KSR1: variants seen among roughly 807,000 people sequenced by gnomAD.
KSR1 encodes kinase suppressor of ras 1.
In KSR1, 35 loss-of-function variants were observed where a neutral mutation model predicts 92.9. The observed-to-expected ratio is 0.38, with a 90% CI of 0.29 to 0.50. KSR1 has a LOEUF of 0.50. Ranked by LOEUF, KSR1 falls within the 20% of genes least tolerant of loss-of-function variation. The pLI is 0.94. For synonymous variants in KSR1, 467 were observed against 472.6 expected, an observed-to-expected ratio of 0.99 and a Z score of 0.15; for missense variants, 972 against 1,158.5, an observed-to-expected ratio of 0.84 and a Z score of 2.34.
rs1567878513 is a variant in KSR1, at chr17:27,603,840, C to T, written c.1517C>T (p.Ser506Leu). The T allele has an allele frequency of 6.2e-7, 1 of 1,613,966 alleles. No homozygotes were observed. The highest frequency in any genetic ancestry group is 8.5e-7 in the Non-Finnish European group (1 of 1,179,854). Residue 506 changes from serine (S) to leucine (L), a missense_variant, in exon 12 of 21, where the codon TCA becomes TTA. By Grantham distance (145) the Ser-to-Leu change is moderately radical. Around this residue, in one of 5 missense-constraint regions of KSR1, gnomAD observed 611 missense variants for 668.0 expected, o/e 0.91. Transcript: ENST00000644974. ...HRQQFIFPDI[S>L]AFAHAAPLPE... ...TGGTTTTTGTTTCCTCCAGACATTT[C>T]AGCCTTTGCACACGCAGCCCCGCTC... is the stretch of plus-strand genomic sequence containing the variant.
intron 1 of KSR1, among the ~76,000 whole-genome samples, chr17:27,539,767 G>A (rs540427432): frequency 2.8e-4 from 43 of 152,184 alleles, no homozygotes; most frequent in Non-Finnish European, 6.0e-4. Context: ...GAGATATTGG[G>A]GGGTTACATC....
chr17:27,461,523 T>C (rs1388390604), intron 1 of KSR1, among the ~76,000 whole-genome samples: 1 of 152,216 alleles, frequency 6.6e-6, no homozygotes, highest in Non-Finnish European at 1.5e-5. Flanking sequence ...GTGGCCACAG[T>C]TGTAACCCTC....
intron 3 of KSR1, chr17:27,579,515 C>T (rs954102490): frequency 6.6e-6 from 1 of 152,094 alleles, no homozygotes; most frequent in Non-Finnish European, 1.5e-5. Flanking sequence ...ATGTTCTTTT[C>T]AGTGTGAGGC....
rs755324263 is a variant in KSR1, at chr17:27,456,800, G to T, written c.157G>T (p.Gly53Cys). 4 of 1,553,486 alleles carry T rather than the reference G, an allele frequency of 2.6e-6. No homozygotes were observed. Among genetic ancestry groups the T allele is most frequent in the Non-Finnish European group, 3.5e-6 (4 of 1,140,858 alleles). ...QLQKLIDISI[G>C]SLRGLRTKCA... ...CCAGAAGCTCATCGACATCTCCATCGGCAGCCTGCGCGGGCTGCGCACCAA... is the reference window on the plus strand; with the variant it reads ...CCAGAAGCTCATCGACATCTCCATCTGCAGCCTGCGCGGGCTGCGCACCAA... Residue 53 changes from glycine (G) to cysteine (C), a missense_variant, in exon 1 of 21, where the codon GGC becomes TGC. Around this residue, in one of 5 missense-constraint regions of KSR1, gnomAD observed 19 missense variants for 60.3 expected, o/e 0.32. Transcript: ENST00000644974.
intron 1 of KSR1, among the ~76,000 whole-genome samples, chr17:27,531,639 T>C (rs1319051403): frequency 6.6e-6 from 1 of 152,214 alleles, no homozygotes; most frequent in Non-Finnish European, 1.5e-5. Flanking sequence ...GAGCAGCTGC[T>C]TGGGGCATGC....
chr17:27,557,943 T>C (rs2945395), intron 2 of KSR1: 107,795 of 152,510 alleles, frequency 0.71, 38,131 homozygotes, highest in Admixed American at 0.77. Context: ...GATCATGGGG[T>C]GATGTTTTTA....
Position 27,609,216 on chromosome 17 carries a change from C to G in KSR1, c.2112C>G (p.Ala704=). The G allele has an allele frequency of 6.2e-7, 1 of 1,613,918 alleles. No individual in the cohort carries two copies. Among genetic ancestry groups the G allele is most frequent in the Non-Finnish European group, 8.5e-7 (1 of 1,179,840 alleles). Residue 704 remains alanine, a synonymous_variant, in exon 16 of 21, where the codon GCC becomes GCG. Transcript: ENST00000644974. The part of the protein sequence containing the change: ...EIIKGMGYLH[A]KGIVHKDLKS... Reference sequence around the variant, plus strand: ...TCCAGGGCATGGGATATCTTCATGCCAAGGGCATCGTACACAAAGATCTCA... The same window carrying G: ...TCCAGGGCATGGGATATCTTCATGCGAAGGGCATCGTACACAAAGATCTCA...
chr17:27,555,041 T>C (rs2071538993), intron 2 of KSR1, among the ~76,000 whole-genome samples: 1 of 152,194 alleles, frequency 6.6e-6, no homozygotes, highest in South Asian at 2.1e-4. Context: ...GTTTGACCAG[T>C]TTTTCCTTTA....
At position 27,583,011 on chromosome 17, in the gene KSR1, GTCTTCCAGC is replaced by G; in HGVS notation, c.888_896del (p.Phe297_Leu299del). ...GACGCCCCCCCCACCCAGCCGCAAG[GTCTTCCAGC>G]TGCTGCCCAGCTTCCCCACACTCAC... On this transcript the variant is annotated inframe_deletion, in exon 4 of 21. Coordinates refer to ENST00000644974, the MANE Select transcript of KSR1 (RefSeq NM_001394583.1). 1 of 1,610,282 alleles carries G rather than the reference GTCTTCCAGC, an allele frequency of 6.2e-7. No individual in the cohort carries two copies. The highest frequency in any genetic ancestry group is 8.5e-7 in the Non-Finnish European group (1 of 1,178,762).
rs936856347 is a variant in KSR1, at chr17:27,592,584, C to G, written c.1257C>G (p.Ala419=). 1.2e-6 allele frequency: 2 copies of G among 1,613,906 alleles called. No individual in the cohort carries two copies. Among genetic ancestry groups the G allele is most frequent in the Non-Finnish European group, 1.7e-6 (2 of 1,179,876 alleles). The change falls in exon 9 of 21, where the codon GCC becomes GCG. Residue 419 remains alanine, a synonymous_variant. Transcript: ENST00000644974. ...SDINNPVDRA[A]EPHFGTLPKA... Reference sequence around the variant, plus strand: ...TCAACAACCCGGTGGACAGAGCAGCCGAACCCCATTTTGGAACCCTCCCCA... The same window carrying G: ...TCAACAACCCGGTGGACAGAGCAGCGGAACCCCATTTTGGAACCCTCCCCA...
At chr17:27,544,851 G>A (rs1235713858) in intron 1 of KSR1, among the ~76,000 whole-genome samples, 1 of 152,224 alleles carries the variant, frequency 6.6e-6, no homozygotes, top group African/African-American at 2.4e-5. Flanking sequence ...GCCCCTTGGC[G>A]CTTCTGTGAC....
At chr17:27,555,658 T>C (rs2071568551) in intron 2 of KSR1, among the ~76,000 whole-genome samples, 1 of 152,236 alleles carries the variant, frequency 6.6e-6, no homozygotes, top group African/African-American at 2.4e-5. Context: ...TGGTGAGTTA[T>C]TCGCTCTGCT....
intron 1 of KSR1, among the ~76,000 whole-genome samples, chr17:27,500,572 T>G (rs185868671): frequency 4.5e-4 from 68 of 152,362 alleles, no homozygotes; most frequent in African/African-American, 1.5e-3. Context: ...GTACCACATT[T>G]TATTTTTAGC....
At chr17:27,499,689 T>G (rs934858613) in intron 1 of KSR1, among the ~76,000 whole-genome samples, 4 of 152,246 alleles carry the variant, frequency 2.6e-5, no homozygotes, top group African/African-American at 9.6e-5. Context: ...CATGATGTCA[T>G]CTTCATGTGC....
At position 27,547,466 on chromosome 17, in the gene KSR1, G is replaced by A. The variant is rs951657174; in HGVS notation, c.232-3102G>A. 5.3e-5 allele frequency among the ~76,000 whole-genome samples: 8 copies of A among 152,174 alleles called. 1 individual carries two copies. Among genetic ancestry groups the A allele is most frequent in the Admixed American group, 4.6e-4 (7 of 15,290 alleles). ...TTATCTTAACAAACACCTGTGACTC[G>A]GTCACCAGTAGGAATCACAGTTGTG... On this transcript the variant is annotated intron_variant, in intron 1 of 20. Coordinates refer to ENST00000644974, the MANE Select transcript of KSR1 (RefSeq NM_001394583.1).
chr17:27,529,304 A>G lies in KSR1; in HGVS notation c.232-21264A>G, dbSNP rs562453120. On this transcript the variant is annotated intron_variant, in intron 1 of 20. Coordinates refer to ENST00000644974, the MANE Select transcript of KSR1 (RefSeq NM_001394583.1). ...GGACTTAAAAAAAAAAAGTTGCCTC[A>G]TAGTGTTCTGTGATTGACACACCAG... 5.8e-4 allele frequency among the ~76,000 whole-genome samples: 88 copies of G among 152,332 alleles called. 2 individuals are homozygous for G. In the South Asian group the frequency reaches 0.017, roughly 29 times the overall value.
intron 1 of KSR1, among the ~76,000 whole-genome samples, chr17:27,497,066 G>T (rs1468133933): frequency 6.6e-6 from 1 of 152,212 alleles, no homozygotes; most frequent in African/African-American, 2.4e-5. Context: ...TCCCTGTTGG[G>T]CAGGAGAATG....
chr17:27,456,897 T>C (rs1241845375), intron 1 of KSR1, 23 bp downstream of exon 1: 3 of 812,158 alleles, frequency 3.7e-6, no homozygotes, highest in Non-Finnish European at 4.3e-6. Context: ...GGGACCAGGC[T>C]GGGCTCGAGG....
Position 27,538,906 on chromosome 17 carries a change from C to T in KSR1, c.232-11662C>T, listed in dbSNP as rs970110302. Among the ~76,000 whole-genome samples, 22 of 152,320 alleles carry T rather than the reference C, an allele frequency of 1.4e-4. 1 individual carries two copies. The highest frequency in any genetic ancestry group is 1.2e-3 in the South Asian group (6 of 4,834). ...GTGATGGCCTGAGTTGCTAAGCCAA[C>T]AGTCACATCCCTGGAAAGAAAGCCC... On this transcript the variant is annotated intron_variant, in intron 1 of 20. Transcript: ENST00000644974.
Sources: gnomAD v4.1 joint callset for allele counts (sites outside exome capture counted in the v4.1 genomes callset) on GRCh38, gnomAD v4.1.1 for gene constraint, gnomAD v4.1.1 regional missense constraint, MANE v1.5 for transcripts, NCBI Gene and HGNC (gene_info 2026-07-23, HGNC 2026-07-21) for gene names.